Variants in ULK4 observed in about 807,000 individuals in gnomAD.
ULK4 encodes the protein unc-51 like kinase 4.
In ULK4, 133 loss-of-function variants were observed where a neutral mutation model predicts 160.6. The observed-to-expected ratio is 0.83, with a 90% CI of 0.72 to 0.96. ULK4 has a LOEUF of 0.96. Ranked by LOEUF, ULK4 falls within the 40% of genes least tolerant of loss-of-function variation. The probability of loss-of-function intolerance (pLI) is 0.00; values close to 1 mark genes in which losing one functional copy is unlikely to be tolerated. For missense variants in ULK4, 1,580 were observed against 1,499.5 expected (o/e 1.05, Z -0.89); for synonymous variants, 534 against 539.8 (o/e 0.99, Z 0.15).
Position 41,508,423 on chromosome 3 carries a change from G to A in ULK4, c.3227-45170C>T, listed in dbSNP as rs772521053. ...GCCCTGCCCACCACCTGAGAAACCT[G>A]AATACTTAACCTGGCAACCCTAAGG... On this transcript the variant is annotated intron_variant, in intron 32 of 36. Transcript: ENST00000301831. Among the ~76,000 whole-genome samples, 81 of 152,222 alleles carry A rather than the reference G, an allele frequency of 5.3e-4. 1 individual carries two copies. Among genetic ancestry groups the A allele is most frequent in the Admixed American group, 2.6e-3 (40 of 15,284 alleles).
At chr3:41,825,993 G>A (rs1031458966) in intron 18 of ULK4, among the ~76,000 whole-genome samples, 1 of 152,124 alleles carries the variant, frequency 6.6e-6, no homozygotes, top group East Asian at 1.9e-4. Flanking sequence ...GAAGAGAGTG[G>A]GGACCAATAT....
intron 17 of ULK4, among the ~76,000 whole-genome samples, chr3:41,838,009 TGCA>T (rs988652311): frequency 1.3e-5 from 2 of 152,190 alleles, no homozygotes; most frequent in Non-Finnish European, 2.9e-5. Context: ...CATCAGTCCT[TGCA>T]GCAGGTCACT....
intron 22 of ULK4, among the ~76,000 whole-genome samples, chr3:41,727,873 G>A (rs73828238): frequency 0.13 from 20,456 of 152,174 alleles, 4,482 homozygotes; most frequent in African/African-American, 0.46. Flanking sequence ...ATGAAGAAAT[G>A]GTGTTAATTG....
chr3:41,560,556 T>G (rs1030424110), intron 32 of ULK4, among the ~76,000 whole-genome samples: 17 of 152,240 alleles, frequency 1.1e-4, no homozygotes, highest in African/African-American at 4.1e-4. Context: ...TGGTTTGTAG[T>G]TCTCCTTGAA....
chr3:41,921,733 A>G (rs989291304), intron 5 of ULK4, among the ~76,000 whole-genome samples: 2 of 152,268 alleles, frequency 1.3e-5, no homozygotes, highest in African/African-American at 4.8e-5. Context: ...ACAGTATATT[A>G]TTACATGGTA....
intron 34 of ULK4, among the ~76,000 whole-genome samples, chr3:41,436,235 G>A (rs2083035523): frequency 6.6e-6 from 1 of 152,134 alleles, no homozygotes; most frequent in Non-Finnish European, 1.5e-5. Context: ...TATAAGGTAG[G>A]CGAGGCTAAG....
intron 31 of ULK4, among the ~76,000 whole-genome samples, chr3:41,602,434 G>A (rs1214793401): frequency 6.6e-6 from 1 of 151,816 alleles, no homozygotes; most frequent in Non-Finnish European, 1.5e-5. Context: ...AAAGAAAAAA[G>A]AGAAAAGAGA....
rs570416680 is a variant in ULK4, at chr3:41,464,318, T to C, written c.3227-1065A>G. ...AATTTTGTCACTAAAGGCAGTGACA[T>C]AGAATGACAGACGCATCAAAGTTAT... On this transcript the variant is annotated intron_variant, in intron 32 of 36. Transcript: ENST00000301831. Among the ~76,000 whole-genome samples the C allele has an allele frequency of 5.9e-5, 9 of 152,098 alleles. 1 individual carries two copies. Among genetic ancestry groups the C allele is most frequent in the Admixed American group, 2.0e-4 (3 of 15,256 alleles).
chr3:41,360,301 T>A (rs1332057003), intron 35 of ULK4, among the ~76,000 whole-genome samples: 3 of 152,152 alleles, frequency 2.0e-5, no homozygotes, highest in Non-Finnish European at 4.4e-5. Context: ...AAAGGAATGC[T>A]TTTATACCGT....
chr3:41,492,880 A>G (rs2084838881), intron 32 of ULK4, among the ~76,000 whole-genome samples: 1 of 142,960 alleles, frequency 7.0e-6, no homozygotes, highest in African/African-American at 2.6e-5. Context: ...AGAGCTAACT[A>G]TCCTAAATAT....
intron 22 of ULK4, among the ~76,000 whole-genome samples, chr3:41,732,385 G>A (rs2037861026): frequency 6.6e-6 from 1 of 152,032 alleles, no homozygotes; most frequent in Admixed American, 6.6e-5. Context: ...CCAATCATCA[G>A]GGAAATGCAA....
chr3:41,790,682 T>C (rs2040124191), intron 20 of ULK4, among the ~76,000 whole-genome samples: 1 of 152,166 alleles, frequency 6.6e-6, no homozygotes, highest in Admixed American at 6.5e-5. Flanking sequence ...CTGATGCAAT[T>C]AGAACATTTA....
intron 4 of ULK4, among the ~76,000 whole-genome samples, chr3:41,935,383 C>T (rs1438765131): frequency 4.6e-5 from 7 of 151,906 alleles, no homozygotes; most frequent in African/African-American, 7.2e-5. Context: ...CGCACCACCA[C>T]GCCCAGCTAA....
In ULK4 at chr3:41,518,173, G is replaced by C. The variant is rs1452825656; in HGVS notation, c.3226+47852C>G. Among the ~76,000 whole-genome samples, 19 of 152,308 alleles carry C rather than the reference G, an allele frequency of 1.2e-4. No homozygotes were observed. The East Asian group carries it at 3.7e-3, about 29-fold the overall frequency. On this transcript the variant is annotated intron_variant, in intron 32 of 36. Coordinates refer to ENST00000301831, the MANE Select transcript of ULK4 (RefSeq NM_017886.4). Reference sequence around the variant, plus strand: ...CAATTTATTCAGCTATTTATAGCTAGTAACTAGGAGATACCTAGAGAAGAA... The same window carrying C: ...CAATTTATTCAGCTATTTATAGCTACTAACTAGGAGATACCTAGAGAAGAA...
chr3:41,871,306 G>T (rs1697081196), intron 17 of ULK4, among the ~76,000 whole-genome samples: 2 of 152,086 alleles, frequency 1.3e-5, no homozygotes, highest in East Asian at 3.8e-4. Flanking sequence ...TTACTAAGTA[G>T]TATTCTAAGT....
chr3:41,305,579 C>A lies in ULK4; in HGVS notation c.3679-56005G>T, dbSNP rs1325646805. Among the ~76,000 whole-genome samples the A allele has an allele frequency of 3.3e-5, 5 of 152,344 alleles. No homozygotes were observed. The East Asian group carries it at 9.6e-4, about 29-fold the overall frequency. ...TGATCTCGGCTCGCTACAACGTCCA[C>A]CTCCCAGCCGCCTGCCTTGGCCTCC... On this transcript the variant is annotated intron_variant, in intron 35 of 36. Coordinates refer to ENST00000301831, the MANE Select transcript of ULK4 (RefSeq NM_017886.4).
At position 41,850,624 on chromosome 3, in the gene ULK4, C is replaced by T. The variant is rs138936466; in HGVS notation, c.1657-14653G>A. The stretch of plus-strand genomic sequence containing the variant: ...ATAAATGTCTTCTTTTGAGAAGAGT[C>T]TGTTAATATCCTTTGCCCACTTTTT... On this transcript the variant is annotated intron_variant, in intron 17 of 36. Transcript: ENST00000301831. Among the ~76,000 whole-genome samples, 870 of 150,540 alleles carry T rather than the reference C, an allele frequency of 5.8e-3. 5 individuals carry two copies. Among genetic ancestry groups the T allele is most frequent in the African/African-American group, 0.02 (802 of 40,862 alleles).
intron 17 of ULK4, among the ~76,000 whole-genome samples, chr3:41,857,212 T>TTA (rs1199429864): frequency 6.6e-6 from 1 of 152,154 alleles, no homozygotes; most frequent in Non-Finnish European, 1.5e-5. Context: ...CCTATTCTCT[T>TTA]TCCCTAGAGG....
At chr3:41,469,615 A>AAAAAAAAAAAAAAAC in intron 32 of ULK4, among the ~76,000 whole-genome samples, 1 of 148,300 alleles carries the variant, frequency 6.7e-6, no homozygotes, top group South Asian at 2.1e-4. Context: ...AAAAAAAAAA[A>AAAAAAAAAAAAAAAC]AAAAAAAAAA....
Sources: allele counts gnomAD v4.1 joint callset (sites outside exome capture counted in the v4.1 genomes callset), GRCh38; gene constraint gnomAD v4.1.1; transcripts MANE v1.5; gene names NCBI Gene and HGNC (gene_info 2026-07-23, HGNC 2026-07-21).